Variants in BLMH observed in about 807,000 individuals in gnomAD.
The protein encoded by BLMH is bleomycin hydrolase.
A neutral mutation model predicts 61.6 loss-of-function variants in BLMH; 32 were observed. That is an observed-to-expected ratio of 0.52 (90% CI 0.39 to 0.70). The LOEUF is 0.70. Among genes scored for constraint, BLMH ranks in the 30% least tolerant of loss-of-function variants. The pLI is 0.00. For missense variants in BLMH, 460 were observed against 555.5 expected, an observed-to-expected ratio of 0.83 and a Z score of 1.73; for synonymous variants, 183 against 193.8, an observed-to-expected ratio of 0.94 and a Z score of 0.46.
At chr17:30,264,915 A>C (rs1908058597) in intron 11 of BLMH, among the ~76,000 whole-genome samples, 1 of 152,126 alleles carries the variant, frequency 6.6e-6, no homozygotes, top group African/African-American at 2.4e-5. Context: ...AGTTATTTTT[A>C]CTCTGCTAAC....
At chr17:30,258,111 G>A (rs1907862962) in intron 11 of BLMH, among the ~76,000 whole-genome samples, 1 of 151,924 alleles carries the variant, frequency 6.6e-6, no homozygotes, top group Admixed American at 6.6e-5. Context: ...AAGACTATAG[G>A]TGCATACTAC....
intron 6 of BLMH, among the ~76,000 whole-genome samples, chr17:30,284,995 C>T (rs1908688897): frequency 6.6e-6 from 1 of 152,164 alleles, no homozygotes; most frequent in African/African-American, 2.4e-5. Flanking sequence ...CTATGACCAC[C>T]AAATCAGTTT....
At chr17:30,291,617 G>A in intron 1 of BLMH, 109 bp from the exon 2 acceptor site, 1 of 1,454,176 alleles carries the variant, frequency 6.9e-7, no homozygotes, top group South Asian at 1.3e-5. Flanking sequence ...GGTGCCCGCT[G>A]CAGCGGGGAA....
Position 30,264,169 on chromosome 17 carries a change from T to C in BLMH, c.1216+2716A>G, listed in dbSNP as rs144055446. On this transcript the variant is annotated intron_variant, in intron 11 of 11. Transcript: ENST00000261714. The stretch of plus-strand genomic sequence containing the variant: ...TACCAAGAAACACATGAGAATAATT[T>C]ATTTTGGCTTGAATGAACGACTCCC... Among the ~76,000 whole-genome samples the C allele has an allele frequency of 4.5e-3, 681 of 152,378 alleles. 8 individuals carry two copies. The highest frequency in any genetic ancestry group is 0.016 in the African/African-American group (656 of 41,596).
intron 2 of BLMH, chr17:30,291,052 T>A (rs1272074563): frequency 2.0e-6 from 1 of 504,928 alleles, no homozygotes; most frequent in Non-Finnish European, 3.6e-6. Flanking sequence ...CATTGGAACA[T>A]AATATAGTCA....
intron 11 of BLMH, among the ~76,000 whole-genome samples, chr17:30,254,680 G>A (rs1349002946): frequency 1.3e-5 from 2 of 152,146 alleles, no homozygotes; most frequent in East Asian, 3.8e-4. Flanking sequence ...ATGTTACACT[G>A]CTTTTTAACT....
At position 30,272,635 on chromosome 17, in the gene BLMH, A is replaced by G; in HGVS notation, c.961-7T>C. ...CACAGCCAAACCACACAGCCTAGAA[A>G]CAGAAGAAAGAGGAAGAAAGTCAAC... On this transcript the variant is annotated splice_polypyrimidine_tract_variant and splice_region_variant and intron_variant, in intron 8 of 11. Coordinates refer to ENST00000261714, the MANE Select transcript of BLMH (RefSeq NM_000386.4). The G allele has an allele frequency of 6.2e-7, 1 of 1,614,086 alleles. No individual in the cohort carries two copies. The highest frequency in any genetic ancestry group is 1.1e-5 in the South Asian group (1 of 91,084).
intron 9 of BLMH, chr17:30,272,280 A>AT: frequency 2.2e-6 from 1 of 459,054 alleles, no homozygotes; most frequent in Non-Finnish European, 3.9e-6. Context: ...ATAGTCAATT[A>AT]TTTTTTTAAA....
chr17:30,259,296 T>A (rs1405632255), intron 11 of BLMH, among the ~76,000 whole-genome samples: 1 of 152,148 alleles, frequency 6.6e-6, no homozygotes, highest in Non-Finnish European at 1.5e-5. Flanking sequence ...ACAGCTGGGC[T>A]TGCACCCTGA....
At chr17:30,251,629 G>A (rs1907669764) in intron 11 of BLMH, among the ~76,000 whole-genome samples, 2 of 152,062 alleles carry the variant, frequency 1.3e-5, no homozygotes, top group African/African-American at 4.8e-5. Flanking sequence ...GGAGAAGTAG[G>A]TGTTTCTAGC....
At chr17:30,273,066 A>T in intron 7 of BLMH, 167 bp from the exon 8 acceptor site, 1 of 684,330 alleles carries the variant, frequency 1.5e-6, no homozygotes, top group Non-Finnish European at 2.4e-6. Flanking sequence ...GGCAAAATAC[A>T]TGTGAGAGAG....
At chr17:30,265,365 C>T (rs926681219) in intron 11 of BLMH, among the ~76,000 whole-genome samples, 5 of 152,226 alleles carry the variant, frequency 3.3e-5, no homozygotes, top group African/African-American at 9.6e-5. Context: ...TCTAAAACAG[C>T]AATTTTTCAA....
At position 30,272,324 on chromosome 17, in the gene BLMH, C is replaced by T. The variant is rs181507658; in HGVS notation, c.1028+237G>A. ...CTCATAGAGGATGGCTTTTTAGGAA[C>T]GCCCAACGATTTCCACTCAGATAGA... On this transcript the variant is annotated intron_variant, in intron 9 of 11. Coordinates refer to ENST00000261714, the MANE Select transcript of BLMH (RefSeq NM_000386.4). The T allele has an allele frequency of 3.8e-4, 203 of 538,798 alleles. 1 individual carries two copies. The highest frequency in any genetic ancestry group is 5.8e-4 in the South Asian group (20 of 34,414). The allele number at this position is 538,798 out of a possible 1,614,324, so 33.4% of individuals were successfully genotyped here.
intron 3 of BLMH, among the ~76,000 whole-genome samples, chr17:30,288,383 G>A (rs1908788962): frequency 6.6e-6 from 1 of 152,030 alleles, no homozygotes; most frequent in African/African-American, 2.4e-5. Flanking sequence ...TTTTAGACAG[G>A]GTCATGCTCT....
chr17:30,267,451 T>C (rs1377688171), intron 10 of BLMH, among the ~76,000 whole-genome samples: 1 of 152,218 alleles, frequency 6.6e-6, no homozygotes, highest in Admixed American at 6.5e-5. Context: ...TACTGCCTGA[T>C]TTTCTACTTG....
rs767711952 is a variant in BLMH, at chr17:30,266,970, T to A, written c.1147-16A>T. The A allele has an allele frequency of 6.2e-7, 1 of 1,612,262 alleles. No individual in the cohort carries two copies. The highest frequency in any genetic ancestry group is 8.5e-7 in the Non-Finnish European group (1 of 1,178,536). ...CCTGATCATCCTGCAAAAAAGTGGA[T>A]GATGGTGAGTAGTCTGAAGCCAGAT... On this transcript the variant is annotated splice_polypyrimidine_tract_variant and intron_variant, in intron 10 of 11. Transcript: ENST00000261714.
intron 6 of BLMH, among the ~76,000 whole-genome samples, chr17:30,283,869 T>C (rs1448044517): frequency 1.3e-5 from 2 of 152,124 alleles, no homozygotes; most frequent in African/African-American, 2.4e-5. Flanking sequence ...GTAGCAGATA[T>C]AGCCTCTGCA....
chr17:30,290,538 T>C (rs1305388622), intron 2 of BLMH, among the ~76,000 whole-genome samples: 1 of 152,250 alleles, frequency 6.6e-6, no homozygotes, highest in African/African-American at 2.4e-5. Flanking sequence ...AATGTGTGCT[T>C]TGTGAGTTCT....
intron 2 of BLMH, chr17:30,290,962 C>G (rs1405965713): frequency 7.8e-5 from 19 of 243,752 alleles, no homozygotes; most frequent in Non-Finnish European, 1.4e-4. Context: ...GGGAGTCCTC[C>G]AAAGATATGA....
Sources: gnomAD v4.1 joint callset for allele counts (sites outside exome capture counted in the v4.1 genomes callset) on GRCh38, gnomAD v4.1.1 for gene constraint, MANE v1.5 for transcripts, NCBI Gene and HGNC (gene_info 2026-07-23, HGNC 2026-07-21) for gene names.